Variants in USHBP1 observed in about 807,000 individuals in gnomAD.
USHBP1 encodes USH1 protein network component harmonin binding protein 1, also known as harmonin-binding protein USHBP1.
In USHBP1, 67 loss-of-function variants were observed where a neutral mutation model predicts 76.2. The observed-to-expected ratio is 0.88, with a 90% CI of 0.72 to 1.08. USHBP1 has a LOEUF of 1.08. Among genes scored for constraint, USHBP1 ranks in the 50% least tolerant of loss-of-function variants. USHBP1 has a pLI of 0.00. For synonymous variants in USHBP1, 322 were observed against 362.2 expected, an observed-to-expected ratio of 0.89 and a Z score of 1.26; for missense variants, 931 against 915.0, an observed-to-expected ratio of 1.02 and a Z score of -0.23.
rs755370633 is a variant in USHBP1 at position 17,262,932 on chromosome 19, GCAC to G, written c.259_261del (p.Val87del). 10 of 1,550,710 alleles carry G rather than the reference GCAC, an allele frequency of 6.4e-6. No homozygotes were observed. Among genetic ancestry groups the G allele is most frequent in the Non-Finnish European group, 8.7e-6 (10 of 1,147,398 alleles). On this transcript the variant is annotated inframe_deletion, in exon 4 of 13. Coordinates refer to ENST00000252597, the MANE Select transcript of USHBP1 (RefSeq NM_031941.4). ...TGGGCTTCCACTGCAGGTTTGTGGGGCACTTCGGGGGCTGAGGCCAGTTCCCTG... is the reference window on the plus strand; with the variant it reads ...TGGGCTTCCACTGCAGGTTTGTGGGGTTCGGGGGCTGAGGCCAGTTCCCTG...
At chr19:17,252,980 T>C (rs978414809) in intron 10 of USHBP1, among the ~76,000 whole-genome samples, 2 of 152,146 alleles carry the variant, frequency 1.3e-5, no homozygotes, top group African/African-American at 4.8e-5. Context: ...AATAATAATT[T>C]TTTTTTTGAG....
intron 12 of USHBP1, among the ~76,000 whole-genome samples, chr19:17,251,088 G>A (rs12104242): frequency 0.47 from 70,782 of 149,644 alleles, 17,525 homozygotes; most frequent in East Asian, 0.81. Context: ...TCGAACTCCC[G>A]ACCTCAGGTG....
rs370149805 is a variant in USHBP1 at position 17,259,940 on chromosome 19, C to T, written c.725G>A (p.Gly242Asp). Residue 242 changes from glycine (G) to aspartate (D), a missense_variant, in exon 5 of 13, where the codon GGT becomes GAT. Coordinates refer to ENST00000252597, the MANE Select transcript of USHBP1 (RefSeq NM_031941.4). ...SHNQAGGSGSGSSSSEADREP... is the reference protein window; with the variant it reads ...SHNQAGGSGSDSSSSEADREP... ...CCTGTCTGCCTCAGAGCTGCTAGAA[C>T]CACTGCCTGAGCCACCTGCTTGGTT... 1.2e-6 allele frequency: 2 copies of T among 1,613,982 alleles called. No individual in the cohort carries two copies. The highest frequency in any genetic ancestry group is 1.3e-5 in the African/African-American group (1 of 74,936).
rs2073558667 is a variant in USHBP1 at position 17,251,969 on chromosome 19, C to T, written c.1741G>A (p.Val581Met). Residue 581 changes from valine to methionine, a missense_variant, in exon 11 of 13, where the codon GTG (valine) becomes ATG (methionine). Transcript: ENST00000252597. ...GGTSGIDGGQ[V>M]GRAWDPEKLA... ...TTCTCTGGGTCCCAGGCTCTGCCCA[C>T]CTGGCCACCATCAATGCCACTGGTG... The T allele has an allele frequency of 1.9e-6, 3 of 1,549,726 alleles. No individual in the cohort carries two copies. The highest frequency in any genetic ancestry group is 2.4e-5 in the East Asian group (1 of 41,098).
chr19:17,253,910 GA>G (rs773867096), intron 10 of USHBP1, among the ~76,000 whole-genome samples: 54 of 131,994 alleles, frequency 4.1e-4, no homozygotes, highest in Non-Finnish European at 7.1e-4. Context: ...AAAAAAAAAA[GA>G]AAAAAAAAAT....
Position 17,258,401 on chromosome 19 carries a change from T to A in USHBP1, c.1047-16A>T. 6.2e-7 allele frequency: 1 copy of A among 1,609,328 alleles called. No homozygotes were observed. On this transcript the variant is annotated splice_polypyrimidine_tract_variant and intron_variant, in intron 7 of 12. Coordinates refer to ENST00000252597, the MANE Select transcript of USHBP1 (RefSeq NM_031941.4). ...ACAGTGTTCACTGTGGGACACTGGT[T>A]CTGAGTGCTTCAGGACACTCAGCTC...
intron 4 of USHBP1, among the ~76,000 whole-genome samples, chr19:17,261,530 TTCACCG>T (rs1341084286): frequency 6.6e-6 from 1 of 151,404 alleles, no homozygotes; most frequent in Admixed American, 6.6e-5. Flanking sequence ...GAGACGGGTT[TTCACCG>T]TGTTAGCCAG....
chr19:17,250,410 G>C lies in USHBP1; in HGVS notation c.1927C>G (p.Leu643Val). The C allele has an allele frequency of 6.2e-7, 1 of 1,612,058 alleles. No homozygotes were observed. The highest frequency in any genetic ancestry group is 8.5e-7 in the Non-Finnish European group (1 of 1,179,752). ...NRDLCKAHSA[L>V]VLAFRGAHRK... ...TGGGCTCCTCGGAAGGCCAGGACCA[G>C]GGCGCTGGAAGGGGTGGGTGGCTGG... The change falls in exon 13 of 13, where the codon CTG becomes GTG. Residue 643 changes from leucine (L) to valine (V), a missense_variant. Transcript: ENST00000252597.
At chr19:17,259,543 T>G in intron 6 of USHBP1, 53 bp downstream of exon 6, 1 of 1,602,282 alleles carries the variant, frequency 6.2e-7, no homozygotes, top group South Asian at 1.1e-5. Context: ...GCTTTATAAC[T>G]CAGTTGGAGG....
Position 17,262,787 on chromosome 19 carries a change from C to A in USHBP1, c.407G>T (p.Trp136Leu), listed in dbSNP as rs2073706690. The stretch of plus-strand genomic sequence containing the variant: ...AGAATGGCTGGGGGGCTGGTGGCGC[C>A]AGGCTGCAGCCGCTGCCTCCAGGGA... ...LSSLEAAAAA[W>L]RHQPPSHSGP... is the part of the protein sequence containing the mutation. Residue 136 changes from tryptophan (W) to leucine (L), a missense_variant, in exon 4 of 13, where the codon TGG becomes TTG. By Grantham distance (61) the Trp-to-Leu change is moderately conservative. Coordinates refer to ENST00000252597, the MANE Select transcript of USHBP1 (RefSeq NM_031941.4). The A allele has an allele frequency of 6.2e-7, 1 of 1,613,992 alleles. No individual in the cohort carries two copies. Among genetic ancestry groups the A allele is most frequent in the South Asian group, 1.1e-5 (1 of 91,084 alleles).
chr19:17,257,856 A>G (rs1278998956), intron 8 of USHBP1, among the ~76,000 whole-genome samples: 2 of 151,966 alleles, frequency 1.3e-5, no homozygotes, highest in African/African-American at 2.4e-5. Flanking sequence ...GCCATGTTAC[A>G]AGGGCTGGTC....
intron 4 of USHBP1, among the ~76,000 whole-genome samples, chr19:17,261,839 C>A (rs1200387043): frequency 6.6e-6 from 1 of 151,922 alleles, no homozygotes; most frequent in Non-Finnish European, 1.5e-5. Context: ...CACGTGCCAC[C>A]ACACCTGGCT....
In USHBP1 at chr19:17,258,293, G is replaced by A; in HGVS notation, c.1139C>T (p.Ala380Val). Residue 380 changes from alanine (A) to valine (V), a missense_variant, in exon 8 of 13, where the codon GCA (alanine) becomes GTA (valine). Physicochemically the swap from Ala to Val is moderately conservative, Grantham distance 64 (BLOSUM62 0). Coordinates refer to ENST00000252597, the MANE Select transcript of USHBP1 (RefSeq NM_031941.4). ...CAGCCTCCATGCTTCCTTTTCAGCTGCTTGCAGGTCACTCATGGGGGCTTC... is the reference window on the plus strand; with the variant it reads ...CAGCCTCCATGCTTCCTTTTCAGCTACTTGCAGGTCACTCATGGGGGCTTC... ...GDEAPMSDLQ[A>V]AEKEAWRLLA... 6.2e-7 allele frequency: 1 copy of A among 1,614,106 alleles called. No individual in the cohort carries two copies. Among genetic ancestry groups the A allele is most frequent in the Non-Finnish European group, 8.5e-7 (1 of 1,180,022 alleles).
rs1327424908 is a variant in USHBP1 at position 17,256,470 on chromosome 19, C to A, written c.1470+1G>T. 6.2e-7 allele frequency: 1 copy of A among 1,613,054 alleles called. No homozygotes were observed. The highest frequency in any genetic ancestry group is 8.5e-7 in the Non-Finnish European group (1 of 1,180,026). ...ACACAGTGGCCACAGCCCATTTGTA[C>A]CCTTGCGGCCACCAGGTCCTGCTGA... On this transcript the variant is annotated splice_donor_variant, in intron 9 of 12. Transcript: ENST00000252597. LOFTEE classifies it high-confidence loss of function.
intron 8 of USHBP1, among the ~76,000 whole-genome samples, chr19:17,257,642 C>CAAAA (rs778148447): frequency 6.3e-4 from 25 of 39,462 alleles, no homozygotes; most frequent in Non-Finnish European, 9.5e-4. Context: ...AACTCTGTCT[C>CAAAA]AAAAAAAAAA....
At chr19:17,258,170 C>T (rs1358386802) in intron 8 of USHBP1, 42 bp downstream of exon 8, 2 of 1,610,204 alleles carry the variant, frequency 1.2e-6, no homozygotes, top group Non-Finnish European at 1.7e-6. Flanking sequence ...GTCAAGACCC[C>T]ACTCCTCAAC....
intron 9 of USHBP1, 117 bp downstream of exon 9, chr19:17,256,354 T>C: frequency 6.9e-7 from 1 of 1,455,526 alleles, no homozygotes; most frequent in South Asian, 1.3e-5. Flanking sequence ...AATTCTCCCT[T>C]CACAATGCCT....
intron 8 of USHBP1, among the ~76,000 whole-genome samples, chr19:17,256,949 G>A (rs2073627220): frequency 6.6e-6 from 1 of 151,988 alleles, no homozygotes; most frequent in African/African-American, 2.4e-5. Flanking sequence ...AGCACTTTGG[G>A]AGGCTGAGGT....
chr19:17,253,166 C>T (rs2073573564), intron 10 of USHBP1, among the ~76,000 whole-genome samples: 2 of 151,982 alleles, frequency 1.3e-5, no homozygotes, highest in South Asian at 2.1e-4. Flanking sequence ...GACAGGGTTT[C>T]ACCGTGTTAG....
Sources: allele counts gnomAD v4.1 joint callset (sites outside exome capture counted in the v4.1 genomes callset), GRCh38; gene constraint gnomAD v4.1.1; transcripts MANE v1.5; gene names NCBI Gene and HGNC (gene_info 2026-07-23, HGNC 2026-07-21).